The following GARNL3 variants were observed in gnomAD, a reference collection of about 807,000 sequenced individuals.
GARNL3 encodes the protein GTPase-activating Rap/Ran-GAP domain-like protein 3.
GARNL3 carries 63 observed loss-of-function variants against 125.0 expected under a neutral mutation model. The observed-to-expected ratio is 0.50, with a 90% CI of 0.41 to 0.62. The LOEUF (loss-of-function observed/expected upper bound fraction) is 0.62, where lower values mean the gene tolerates loss of function less well. GARNL3 is among the 20% of genes least tolerant of loss of function. GARNL3 has a pLI of 0.00. For missense variants in GARNL3, 994 were observed against 1,244.0 expected, an observed-to-expected ratio of 0.80 and a Z score of 3.02; for synonymous variants, 439 against 457.5, an observed-to-expected ratio of 0.96 and a Z score of 0.52.
At chr9:127,281,985 T>G (rs2064117225) in intron 1 of GARNL3, among the ~76,000 whole-genome samples, 1 of 152,218 alleles carries the variant, frequency 6.6e-6, no homozygotes, top group African/African-American at 2.4e-5. Context: ...TAAATTGCAT[T>G]ATAGCAATGC....
Position 127,309,120 on chromosome 9 carries a change from G to A in GARNL3, c.220-2516G>A, listed in dbSNP as rs182395477. Among the ~76,000 whole-genome samples, 22 of 152,118 alleles carry A rather than the reference G, an allele frequency of 1.4e-4. No homozygotes were observed. The East Asian group carries it at 3.9e-3, about 27-fold the overall frequency. The stretch of plus-strand genomic sequence containing the variant: ...AAATAATACTAAAATTTTCACCTAC[G>A]TTTTTACTCCTTAATAGGCTTAAAA... On this transcript the variant is annotated intron_variant, in intron 2 of 27. Transcript: ENST00000373387.
chr9:127,339,564 C>T, intron 12 of GARNL3, 81 bp from the exon 13 acceptor site: 6 of 959,518 alleles, frequency 6.3e-6, no homozygotes, highest in East Asian at 2.4e-5. Flanking sequence ...CTGGGAGATA[C>T]AATTCAAGTG....
At chr9:127,343,569 A>G (rs981610697) in intron 14 of GARNL3, among the ~76,000 whole-genome samples, 3 of 152,244 alleles carry the variant, frequency 2.0e-5, no homozygotes, top group African/African-American at 7.2e-5. Flanking sequence ...GTGCTCCACA[A>G]GGATAGAGAC....
At chr9:127,353,143 G>A in intron 17 of GARNL3, among the ~76,000 whole-genome samples, 1 of 152,214 alleles carries the variant, frequency 6.6e-6, no homozygotes, top group East Asian at 1.9e-4. Flanking sequence ...GAAGTGCAAT[G>A]TCTTGAACCA....
At chr9:127,346,956 G>T (rs767369401) in intron 16 of GARNL3, among the ~76,000 whole-genome samples, 1 of 152,212 alleles carries the variant, frequency 6.6e-6, no homozygotes, top group Non-Finnish European at 1.5e-5. Flanking sequence ...CTCCCCCATG[G>T]AAGGGAGTCC....
intron 5 of GARNL3, among the ~76,000 whole-genome samples, chr9:127,318,714 T>A (rs556623046): frequency 6.7e-6 from 1 of 149,906 alleles, no homozygotes; most frequent in East Asian, 2.1e-4. Context: ...CAGCCTCCCC[T>A]AGGGAATGCC....
At chr9:127,326,295 A>AC (rs1465902339) in intron 7 of GARNL3, among the ~76,000 whole-genome samples, 1 of 152,240 alleles carries the variant, frequency 6.6e-6, no homozygotes, top group East Asian at 1.9e-4. Context: ...TATAAGCACC[A>AC]TGAGAACAGA....
intron 11 of GARNL3, 31 bp from the exon 12 acceptor site, chr9:127,338,085 T>C (rs769487580): frequency 2.6e-6 from 4 of 1,550,882 alleles, no homozygotes; most frequent in Non-Finnish European, 1.8e-6. Context: ...AGCATCAGTG[T>C]TGTGATTAGT....
chr9:127,298,982 C>T (rs565388428), intron 2 of GARNL3, among the ~76,000 whole-genome samples: 3 of 152,190 alleles, frequency 2.0e-5, no homozygotes, highest in African/African-American at 7.2e-5. Flanking sequence ...ATGCTTCCCA[C>T]AAAAAGTCTA....
At chr9:127,344,198 C>T in intron 14 of GARNL3, 37 bp from the exon 15 acceptor site, 1 of 1,408,436 alleles carries the variant, frequency 7.1e-7, no homozygotes, top group African/African-American at 1.4e-5. Flanking sequence ...GACTTAACAA[C>T]TGTTTGTGGA....
intron 17 of GARNL3, among the ~76,000 whole-genome samples, chr9:127,349,653 G>T (rs1478971425): frequency 1.3e-5 from 2 of 152,172 alleles, no homozygotes; most frequent in Non-Finnish European, 2.9e-5. Flanking sequence ...CAACTTCAGA[G>T]CAGGTGTAGA....
At chr9:127,263,773 C>T, upstream of GARNL3, 1 of 1,228,756 alleles carries the variant, frequency 8.1e-7, no homozygotes, top group South Asian at 3.7e-5. Flanking sequence ...GGTTAAATTT[C>T]TCATATAAGA....
intron 11 of GARNL3, 111 bp from the exon 12 acceptor site, chr9:127,338,005 C>T: frequency 1.2e-6 from 1 of 820,000 alleles, no homozygotes; most frequent in Non-Finnish European, 2.1e-6. Flanking sequence ...GATAGGTGCC[C>T]TAAGCACAGA....
intron 2 of GARNL3, among the ~76,000 whole-genome samples, chr9:127,248,807 G>A (rs148849436): frequency 7.3e-5 from 11 of 151,556 alleles, no homozygotes; most frequent in African/African-American, 1.7e-4. Flanking sequence ...ACATGGTTTC[G>A]CCATGTTGCC....
chr9:127,321,855 A>T (rs1037011342), intron 6 of GARNL3, among the ~76,000 whole-genome samples: 3 of 152,202 alleles, frequency 2.0e-5, no homozygotes, highest in African/African-American at 7.2e-5. Context: ...TCGTGCTCAA[A>T]TTTGCTTTTA....
chr9:127,310,916 G>A (rs574548927), intron 2 of GARNL3, among the ~76,000 whole-genome samples: 12 of 152,252 alleles, frequency 7.9e-5, no homozygotes, highest in African/African-American at 2.2e-4. Flanking sequence ...TTGGCATTGT[G>A]TTGCAGATCC....
chr9:127,368,207 G>A (rs547001112), intron 22 of GARNL3, among the ~76,000 whole-genome samples: 4 of 151,810 alleles, frequency 2.6e-5, no homozygotes, highest in East Asian at 1.9e-4. Context: ...TGGGGCATTC[G>A]CCGAAGGGGT....
intron 1 of GARNL3, among the ~76,000 whole-genome samples, chr9:127,236,106 C>T (rs556903955): frequency 3.4e-4 from 52 of 152,246 alleles, no homozygotes; most frequent in African/African-American, 4.3e-4. Context: ...TAGGCTCACT[C>T]GGCATATGGC....
intron 1 of GARNL3, among the ~76,000 whole-genome samples, chr9:127,274,413 G>A (rs977685945): frequency 1.3e-5 from 2 of 152,090 alleles, no homozygotes; most frequent in East Asian, 3.8e-4. Context: ...ATCAACCTTG[G>A]GAACCTTGAT....
Sources: gnomAD v4.1 joint callset for allele counts (sites outside exome capture counted in the v4.1 genomes callset) on GRCh38, gnomAD v4.1.1 for gene constraint, MANE v1.5 for transcripts, NCBI Gene and HGNC (gene_info 2026-07-23, HGNC 2026-07-21) for gene names.